The following GPHN variants were observed in gnomAD, a reference collection of about 807,000 sequenced individuals.
The protein encoded by GPHN is gephyrin.
A neutral mutation model predicts 95.5 loss-of-function variants in GPHN; 17 were observed. The observed-to-expected ratio is 0.18, with a 90% CI of 0.12 to 0.27. The LOEUF is 0.27. Among genes scored for constraint, GPHN ranks in the 10% least tolerant of loss-of-function variants. The probability of loss-of-function intolerance (pLI) is 1.00; values close to 1 mark genes in which losing one functional copy is unlikely to be tolerated. For missense variants in GPHN, 660 were observed against 978.1 expected, an observed-to-expected ratio of 0.67 and a Z score of 4.34; for synonymous variants, 320 against 322.5, an observed-to-expected ratio of 0.99 and a Z score of 0.08.
intron 17 of GPHN, among the ~76,000 whole-genome samples, chr14:67,136,051 A>C (rs1324111101): frequency 6.6e-6 from 1 of 152,228 alleles, no homozygotes; most frequent in East Asian, 1.9e-4. Context: ...AATCTGTATT[A>C]GTGTTTTAAT....
chr14:67,037,916 T>C (rs2074506282), intron 10 of GPHN, among the ~76,000 whole-genome samples: 1 of 151,910 alleles, frequency 6.6e-6, no homozygotes, highest in South Asian at 2.1e-4. Flanking sequence ...AAATTAAAAA[T>C]AGAACTTTCA....
intron 1 of GPHN, among the ~76,000 whole-genome samples, chr14:66,635,004 T>C (rs941495456): frequency 3.3e-5 from 5 of 152,230 alleles, no homozygotes; most frequent in Non-Finnish European, 7.3e-5. Context: ...TCTGATGTGG[T>C]GTCTGCTGGA....
At chr14:66,653,769 A>G (rs1312044789) in intron 1 of GPHN, among the ~76,000 whole-genome samples, 1 of 152,184 alleles carries the variant, frequency 6.6e-6, no homozygotes, top group African/African-American at 2.4e-5. Context: ...CGTTGGCCAC[A>G]TTGTATGACA....
At chr14:67,476,265 C>T in the GPHN span, among the ~76,000 whole-genome samples, 5 of 152,320 alleles carry the variant, frequency 3.3e-5, no homozygotes, top group East Asian at 5.8e-4. Context: ...CCAAGCACTT[C>T]GTTCGCATTT....
At chr14:66,620,411 G>T (rs1221930487) in intron 1 of GPHN, among the ~76,000 whole-genome samples, 2 of 152,120 alleles carry the variant, frequency 1.3e-5, no homozygotes, top group Non-Finnish European at 2.9e-5. Context: ...CACAATGATG[G>T]CAGAAGGCAA....
chr14:66,721,656 A>G (rs1348560232), intron 2 of GPHN, among the ~76,000 whole-genome samples: 1 of 152,204 alleles, frequency 6.6e-6, no homozygotes, highest in Non-Finnish European at 1.5e-5. Context: ...TACGTTATGT[A>G]GAATTTGATT....
At chr14:67,571,882 GC>G in the GPHN span, 1 of 1,611,598 alleles carries the variant, frequency 6.2e-7, no homozygotes, top group South Asian at 1.1e-5. Flanking sequence ...GGACTAGGCA[GC>G]CCCCGGGCCA....
intron 1 of GPHN, among the ~76,000 whole-genome samples, chr14:66,573,000 C>T (rs963083106): frequency 2.6e-5 from 4 of 152,118 alleles, no homozygotes; most frequent in African/African-American, 4.8e-5. Context: ...TAACCTGTTG[C>T]TTAATTTCCA....
chr14:67,731,519 C>T, the GPHN span, among the ~76,000 whole-genome samples: 1 of 151,774 alleles, frequency 6.6e-6, no homozygotes, highest in Non-Finnish European at 1.5e-5. Flanking sequence ...CTGGTCTTCC[C>T]ATCATATTTC....
chr14:66,564,733 G>A (rs2060390762), intron 1 of GPHN, among the ~76,000 whole-genome samples: 1 of 152,172 alleles, frequency 6.6e-6, no homozygotes, highest in African/African-American at 2.4e-5. Context: ...GGTAGGTATA[G>A]TAAGATTTTG....
At chr14:66,958,203 A>G (rs2068662072) in intron 8 of GPHN, among the ~76,000 whole-genome samples, 1 of 151,910 alleles carries the variant, frequency 6.6e-6, no homozygotes, top group African/African-American at 2.4e-5. Flanking sequence ...TGTCTTCTTG[A>G]TTAACTGACC....
chr14:67,443,174 C>T, the GPHN span, among the ~76,000 whole-genome samples: 59,982 of 151,838 alleles, frequency 0.4, 12,156 homozygotes, highest in Admixed American at 0.47. Context: ...TGAGCTATGA[C>T]TGCGCCACTG....
chr14:66,709,651 G>A (rs1372781647), intron 2 of GPHN, among the ~76,000 whole-genome samples: 1 of 152,146 alleles, frequency 6.6e-6, no homozygotes, highest in Non-Finnish European at 1.5e-5. Context: ...GTTGACCTTG[G>A]AAAGCAAAAC....
intron 13 of GPHN, among the ~76,000 whole-genome samples, chr14:67,108,716 T>G (rs956709791): frequency 7.6e-6 from 1 of 131,848 alleles, no homozygotes; most frequent in African/African-American, 2.7e-5. Context: ...CTAAGGGGTG[T>G]GTGTGTGTGT....
chr14:67,208,458 G>A, the GPHN span: 3 of 1,608,960 alleles, frequency 1.9e-6, no homozygotes, highest in Non-Finnish European at 1.7e-6. Context: ...AGGTATGTGA[G>A]GCAGGAACAT....
intron 2 of GPHN, among the ~76,000 whole-genome samples, chr14:66,714,588 A>G (rs776437170): frequency 6.6e-6 from 1 of 152,154 alleles, no homozygotes; most frequent in Non-Finnish European, 1.5e-5. Flanking sequence ...ACTTTTCCCC[A>G]TTCAGTGTTA....
chr14:67,573,181 C>T, the GPHN span: 2 of 736,440 alleles, frequency 2.7e-6, no homozygotes, highest in South Asian at 1.5e-5. This position sits in a 1 kb window ranked among gnomAD's most constrained non-coding sequence, Gnocchi z 4.8. Context: ...AATTGATGAC[C>T]GAGTAGTGAG....
chr14:67,409,952 G>C, the GPHN span, among the ~76,000 whole-genome samples: 1 of 152,132 alleles, frequency 6.6e-6, no homozygotes, highest in Non-Finnish European at 1.5e-5. Context: ...CTATCCTTCA[G>C]CCTGCAGGGA....
chr14:67,391,875 G>A, the GPHN span, among the ~76,000 whole-genome samples: 5 of 152,116 alleles, frequency 3.3e-5, no homozygotes, highest in East Asian at 1.9e-4. Flanking sequence ...TCAACCTACC[G>A]ACATGGTGGA....
Sources: gnomAD v4.1 joint callset for allele counts (sites outside exome capture counted in the v4.1 genomes callset) on GRCh38, gnomAD v4.1.1 for gene constraint, Gnocchi (gnomAD v3.1) non-coding constraint, MANE v1.5 for transcripts, NCBI Gene and HGNC (gene_info 2026-07-23, HGNC 2026-07-21) for gene names.